ZNF292: variants seen among roughly 807,000 people sequenced by gnomAD.
ZNF292 encodes zinc finger protein 292, also known as 16 zinc-finger domain protein.
Under a neutral mutation model 217.9 loss-of-function variants are expected in ZNF292, and 26 were observed. That is an observed-to-expected ratio of 0.12 (90% confidence interval 0.09 to 0.17). The LOEUF is 0.17. Among genes scored for constraint, ZNF292 ranks in the 10% least tolerant of loss-of-function variants. ZNF292 has a pLI of 1.00. For synonymous variants in ZNF292, 1,257 were observed against 1,124.1 expected, an observed-to-expected ratio of 1.12 and a Z score of -2.37; for missense variants, 2,904 against 3,175.2, an observed-to-expected ratio of 0.91 and a Z score of 2.05.
Position 87,258,282 on chromosome 6 carries a change from T to G in ZNF292, c.4653T>G (p.Asn1551Lys). ...CHPNTLLTNQNRTSNSKTSSI... is the reference protein window; with the variant it reads ...CHPNTLLTNQKRTSNSKTSSI... Reference sequence around the variant, plus strand: ...CAAACACCTTGCTGACCAACCAGAATAGGACGTCAAACTCCAAAACTTCCT... The same window carrying G: ...CAAACACCTTGCTGACCAACCAGAAGAGGACGTCAAACTCCAAAACTTCCT... The change falls in exon 8 of 8, where the codon AAT (asparagine) becomes AAG (lysine). Residue 1551 changes from asparagine (N) to lysine (K), a missense_variant. Physicochemically the swap from Asn to Lys is moderately conservative, Grantham distance 94 (BLOSUM62 0). Coordinates refer to ENST00000369577, the MANE Select transcript of ZNF292 (RefSeq NM_015021.3). The G allele has an allele frequency of 6.2e-7, 1 of 1,613,418 alleles. No individual in the cohort carries two copies. Among genetic ancestry groups the G allele is most frequent in the Non-Finnish European group, 8.5e-7 (1 of 1,179,688 alleles).
intron 1 of ZNF292, among the ~76,000 whole-genome samples, chr6:87,184,450 T>C (rs780662772): frequency 1.3e-5 from 2 of 150,440 alleles, no homozygotes; most frequent in Non-Finnish European, 3.0e-5. Flanking sequence ...AGGAGCTTAG[T>C]GCGCTCAACT....
At chr6:87,205,414 T>C (rs1178044146) in intron 1 of ZNF292, among the ~76,000 whole-genome samples, 2 of 152,040 alleles carry the variant, frequency 1.3e-5, no homozygotes, top group Non-Finnish European at 1.5e-5. Flanking sequence ...TGATAATTAT[T>C]TTTTTTTCTT....
intron 7 of ZNF292, among the ~76,000 whole-genome samples, chr6:87,251,277 A>C (rs1445254575): frequency 6.6e-6 from 1 of 152,216 alleles, no homozygotes; most frequent in African/African-American, 2.4e-5. Flanking sequence ...ATACATGGTA[A>C]TTATTTAAAG....
intron 1 of ZNF292, among the ~76,000 whole-genome samples, chr6:87,208,138 T>TG (rs1456049957): frequency 5.3e-5 from 8 of 152,212 alleles, no homozygotes; most frequent in Non-Finnish European, 1.2e-4. Flanking sequence ...GCTCCAGTGT[T>TG]GCAGTTGAGA....
At chr6:87,184,620 A>G (rs1771582284) in intron 1 of ZNF292, among the ~76,000 whole-genome samples, 1 of 152,162 alleles carries the variant, frequency 6.6e-6, no homozygotes, top group South Asian at 2.1e-4. Flanking sequence ...ATGTATATAG[A>G]TATATGAGAA....
intron 5 of ZNF292, among the ~76,000 whole-genome samples, chr6:87,242,157 CTT>C (rs536982017): frequency 8.5e-5 from 13 of 152,128 alleles, no homozygotes; most frequent in Non-Finnish European, 1.9e-4. Context: ...ATCCTTCGGT[CTT>C]TTTTTATTTG....
Position 87,243,562 on chromosome 6 carries a change from A to G in ZNF292, c.829A>G (p.Thr277Ala), listed in dbSNP as rs199847394. The G allele has an allele frequency of 1.3e-6, 2 of 1,558,586 alleles. No homozygotes were observed. Among genetic ancestry groups the G allele is most frequent in the African/African-American group, 1.4e-5 (1 of 73,716 alleles). ...GDEKSALVLCTAFLSRQLQQG... is the reference protein window; with the variant it reads ...GDEKSALVLCAAFLSRQLQQG... ...TGAAAAAAGCGCTCTTGTTTTATGT[A>G]CTGCGTTTTTGTCACGTCAGCTCCA... The change falls in exon 6 of 8, where the codon ACT (threonine) becomes GCT (alanine). Residue 277 changes from threonine to alanine, a missense_variant. By Grantham distance (58) the Thr-to-Ala change is moderately conservative. Transcript: ENST00000369577.
intron 1 of ZNF292, among the ~76,000 whole-genome samples, chr6:87,176,975 C>T (rs1051637716): frequency 2.6e-5 from 4 of 152,080 alleles, no homozygotes; most frequent in South Asian, 4.2e-4. Flanking sequence ...AAGCCTGTTG[C>T]TATTCTGATG....
intron 1 of ZNF292, among the ~76,000 whole-genome samples, chr6:87,199,448 A>G (rs1236410080): frequency 6.6e-6 from 1 of 152,002 alleles, no homozygotes; most frequent in African/African-American, 2.4e-5. Context: ...TTGGCTTTTC[A>G]TTTTTTAATG....
chr6:87,233,995 G>A (rs528878107), intron 5 of ZNF292, among the ~76,000 whole-genome samples: 5 of 152,124 alleles, frequency 3.3e-5, no homozygotes, highest in South Asian at 2.1e-4. Context: ...TTTTGAGTAC[G>A]TATTTATTTG....
chr6:87,161,030 C>T (rs544322173), intron 1 of ZNF292, among the ~76,000 whole-genome samples: 1 of 151,962 alleles, frequency 6.6e-6, no homozygotes, highest in African/African-American at 2.4e-5. Flanking sequence ...CAGAAATATA[C>T]TTTATTTGGA....
At chr6:87,247,151 A>G (rs1437840435) in intron 7 of ZNF292, among the ~76,000 whole-genome samples, 2 of 150,882 alleles carry the variant, frequency 1.3e-5, no homozygotes, top group African/African-American at 4.9e-5. Flanking sequence ...CAGCCTGGGA[A>G]ACAGAGTGAG....
intron 1 of ZNF292, among the ~76,000 whole-genome samples, chr6:87,184,537 A>G (rs1164923328): frequency 6.7e-6 from 1 of 149,192 alleles, no homozygotes; most frequent in Non-Finnish European, 1.5e-5. Context: ...TAAGGAATAC[A>G]ATAAGAAGGA....
chr6:87,209,675 A>G (rs1007876343), intron 1 of ZNF292, among the ~76,000 whole-genome samples: 3 of 152,200 alleles, frequency 2.0e-5, no homozygotes, highest in Non-Finnish European at 4.4e-5. Context: ...ATGTAAAACA[A>G]TGCCTCTCTT....
chr6:87,163,315 G>T (rs1414741105), intron 1 of ZNF292, among the ~76,000 whole-genome samples: 2 of 151,992 alleles, frequency 1.3e-5, no homozygotes, highest in African/African-American at 4.8e-5. Flanking sequence ...GCCGGGTGTG[G>T]TGATGGACAC....
At chr6:87,184,347 G>A (rs1771568977) in intron 1 of ZNF292, among the ~76,000 whole-genome samples, 1 of 152,076 alleles carries the variant, frequency 6.6e-6, no homozygotes, top group South Asian at 2.1e-4. Context: ...CTTTTTGGAA[G>A]TCTGGTTATT....
intron 1 of ZNF292, among the ~76,000 whole-genome samples, chr6:87,179,847 T>C (rs1291486538): frequency 1.3e-5 from 2 of 152,216 alleles, no homozygotes; most frequent in Non-Finnish European, 2.9e-5. Flanking sequence ...TACGGAGACA[T>C]TACAGCAACA....
chr6:87,247,459 T>C (rs1310152584), intron 7 of ZNF292, among the ~76,000 whole-genome samples: 3 of 152,162 alleles, frequency 2.0e-5, no homozygotes, highest in African/African-American at 7.2e-5. Flanking sequence ...GGAAAATCTT[T>C]AGGAAGTTAT....
Position 87,255,399 on chromosome 6 carries a change from G to A in ZNF292, c.1770G>A (p.Leu590=), listed in dbSNP as rs757236710. Residue 590 remains leucine, a synonymous_variant, in exon 8 of 8, where the codon CTG becomes CTA. Transcript: ENST00000369577. The part of the protein sequence containing the change: ...SKETFVPHVT[L]HVKQSSKERL... The stretch of plus-strand genomic sequence containing the variant: ...AAACTTTTGTCCCTCATGTCACACT[G>A]CATGTTAAACAATCTAGTAAAGAGA... 3.1e-6 allele frequency: 5 copies of A among 1,613,772 alleles called. No individual in the cohort carries two copies. Among genetic ancestry groups the A allele is most frequent in the Non-Finnish European group, 4.2e-6 (5 of 1,179,826 alleles).
Sources: gnomAD v4.1 joint callset for allele counts (sites outside exome capture counted in the v4.1 genomes callset) on GRCh38, gnomAD v4.1.1 for gene constraint, MANE v1.5 for transcripts, NCBI Gene and HGNC (gene_info 2026-07-23, HGNC 2026-07-21) for gene names.